Variants in ERI3 observed in about 807,000 individuals in gnomAD.
ERI3 encodes ERI1 exoribonuclease family member 3, also known as ERI1 exoribonuclease 3.
Under a neutral mutation model 44.4 loss-of-function variants are expected in ERI3, and 18 were observed. That is an observed-to-expected ratio of 0.41 (90% confidence interval 0.28 to 0.60). The LOEUF (loss-of-function observed/expected upper bound fraction) is 0.60. Ranked by LOEUF, ERI3 falls within the 20% of genes least tolerant of loss-of-function variation. The pLI, the probability that ERI3 is intolerant of heterozygous loss-of-function variation, is 0.36. For missense variants in ERI3, 294 were observed against 435.5 expected (o/e 0.68, Z 2.89); for synonymous variants, 183 against 164.8 (o/e 1.11, Z -0.84).
intron 3 of ERI3, among the ~76,000 whole-genome samples, chr1:44,326,298 T>C (rs1646310870): frequency 6.6e-6 from 1 of 152,082 alleles, no homozygotes; most frequent in Non-Finnish European, 1.5e-5. Flanking sequence ...AGACGGGCCC[T>C]TTCTCCAAGG....
intron 8 of ERI3, among the ~76,000 whole-genome samples, chr1:44,245,955 C>A (rs989052817): frequency 2.0e-5 from 3 of 152,216 alleles, no homozygotes; most frequent in East Asian, 1.9e-4. Flanking sequence ...TACTCACCTA[C>A]TCATTCATTC....
intron 7 of ERI3, among the ~76,000 whole-genome samples, chr1:44,281,103 T>C (rs1645274258): frequency 6.6e-6 from 1 of 152,184 alleles, no homozygotes; most frequent in African/African-American, 2.4e-5. Context: ...ATTCTTCAGG[T>C]CTCAGCTTAG....
chr1:44,295,015 G>A (rs1308701313), intron 6 of ERI3, among the ~76,000 whole-genome samples: 1 of 152,160 alleles, frequency 6.6e-6, no homozygotes, highest in Non-Finnish European at 1.5e-5. Flanking sequence ...CCTTCTAGCT[G>A]GTCTCCTCTG....
chr1:44,254,254 C>G (rs1405124153), intron 7 of ERI3, among the ~76,000 whole-genome samples: 1 of 152,170 alleles, frequency 6.6e-6, no homozygotes. Flanking sequence ...CATCTTTCCC[C>G]AGAGCCACCC....
chr1:44,309,298 C>T (rs1645904685), intron 5 of ERI3, among the ~76,000 whole-genome samples: 1 of 151,656 alleles, frequency 6.6e-6, no homozygotes, highest in African/African-American at 2.4e-5. Flanking sequence ...AATTTGAGAC[C>T]AGCCTGGTTA....
rs1267086022 is a variant in ERI3, at chr1:44,272,156, TTTC to T, written c.831+12676_831+12678del. Among the ~76,000 whole-genome samples, 3 of 152,178 alleles carry T rather than the reference TTTC, an allele frequency of 2.0e-5. No individual in the cohort carries two copies. The East Asian group carries it at 5.8e-4, about 29-fold the overall frequency. Reference sequence around the variant, plus strand: ...TCAACTCTAGAAGGTGGATATGATTTTTCTTGTTTTATAGAGGGAGCTACCAAG... The same window carrying T: ...TCAACTCTAGAAGGTGGATATGATTTTTGTTTTATAGAGGGAGCTACCAAG... On this transcript the variant is annotated intron_variant, in intron 7 of 8. Coordinates refer to ENST00000372257, the MANE Select transcript of ERI3 (RefSeq NM_024066.3).
chr1:44,333,191 A>T (rs1464076798), intron 3 of ERI3, among the ~76,000 whole-genome samples: 1 of 152,266 alleles, frequency 6.6e-6, no homozygotes, highest in Admixed American at 6.5e-5. Flanking sequence ...CACACGCCAG[A>T]TGAGGCTAAG....
intron 7 of ERI3, among the ~76,000 whole-genome samples, chr1:44,281,081 CA>C (rs1476369654): frequency 1.3e-5 from 2 of 152,176 alleles, no homozygotes; most frequent in Admixed American, 6.5e-5. Context: ...TGTGCTTAGC[CA>C]ATTTCAACTC....
chr1:44,317,896 C>A (rs1233747909), intron 4 of ERI3, among the ~76,000 whole-genome samples: 2 of 152,094 alleles, frequency 1.3e-5, no homozygotes, highest in African/African-American at 4.8e-5. Context: ...AAAGGATGGA[C>A]AAGATCATGG....
intron 7 of ERI3, among the ~76,000 whole-genome samples, chr1:44,263,325 A>G (rs953033396): frequency 6.6e-6 from 1 of 152,186 alleles, no homozygotes; most frequent in Non-Finnish European, 1.5e-5. Context: ...GTGAAGGGGA[A>G]CTGTCCTCCC....
chr1:44,352,834 G>A lies in ERI3; in HGVS notation c.211+16C>T, dbSNP rs767016022. The A allele has an allele frequency of 3.1e-6, 5 of 1,613,954 alleles. 1 individual carries two copies. The South Asian group carries it at 5.5e-5, about 18-fold the overall frequency. ...AGAAAATAAAGCCAGACTTGACCATGCAACAGGATTCTCACCTCTCCTTAC... is the reference window on the plus strand; with the variant it reads ...AGAAAATAAAGCCAGACTTGACCATACAACAGGATTCTCACCTCTCCTTAC... On this transcript the variant is annotated intron_variant, in intron 2 of 8. Coordinates refer to ENST00000372257, the MANE Select transcript of ERI3 (RefSeq NM_024066.3).
At chr1:44,269,319 T>A (rs954922276) in intron 7 of ERI3, among the ~76,000 whole-genome samples, 2 of 152,162 alleles carry the variant, frequency 1.3e-5, no homozygotes, top group African/African-American at 4.8e-5. Flanking sequence ...AGAGCCCACG[T>A]CTTTAGTTTC....
At position 44,286,542 on chromosome 1, in the gene ERI3, C is replaced by T. The variant is rs149248634; in HGVS notation, c.759-1635G>A. On this transcript the variant is annotated intron_variant, in intron 6 of 8. Coordinates refer to ENST00000372257, the MANE Select transcript of ERI3 (RefSeq NM_024066.3). ...AGCCAGGAGAGTAAATAAGATCACCCGGGGAACAGAATAGAGCGAGGTGAG... is the reference window on the plus strand; with the variant it reads ...AGCCAGGAGAGTAAATAAGATCACCTGGGGAACAGAATAGAGCGAGGTGAG... Among the ~76,000 whole-genome samples the T allele has an allele frequency of 5.3e-5, 8 of 152,150 alleles. No homozygotes were observed. The East Asian group carries it at 5.8e-4, about 11-fold the overall frequency.
At chr1:44,290,983 G>A (rs1206299496) in intron 6 of ERI3, among the ~76,000 whole-genome samples, 2 of 152,178 alleles carry the variant, frequency 1.3e-5, no homozygotes, top group Non-Finnish European at 2.9e-5. Context: ...AGGCTGGGAC[G>A]TTAGTTATCT....
At chr1:44,343,466 T>C (rs1309843735) in intron 2 of ERI3, among the ~76,000 whole-genome samples, 1 of 152,162 alleles carries the variant, frequency 6.6e-6, no homozygotes, top group African/African-American at 2.4e-5. Context: ...TCTGTTATAT[T>C]CCTGAAGCTA....
chr1:44,312,584 T>A (rs1422398162), intron 5 of ERI3, among the ~76,000 whole-genome samples: 1 of 152,228 alleles, frequency 6.6e-6, no homozygotes, highest in Non-Finnish European at 1.5e-5. Flanking sequence ...TTCCCTCACA[T>A]AGGCAATTGT....
At position 44,235,994 on chromosome 1, in the gene ERI3, C is replaced by T. The variant is rs560342040; in HGVS notation, c.931+11945G>A. On this transcript the variant is annotated intron_variant, in intron 8 of 8. Transcript: ENST00000372257. This position sits in a 1 kb window ranked among gnomAD's most constrained non-coding sequence, Gnocchi z 4.6. The stretch of plus-strand genomic sequence containing the variant: ...AGCTAATCCCTATTAATTTCAATAC[C>T]GCCGCCTTGCCTGGCTCAGCTCCCA... Among the ~76,000 whole-genome samples, 12 of 152,282 alleles carry T rather than the reference C, an allele frequency of 7.9e-5. No individual in the cohort carries two copies. Among genetic ancestry groups the T allele is most frequent in the African/African-American group, 2.2e-4 (9 of 41,550 alleles).
rs539212483 is a variant in ERI3 at position 44,221,480 on chromosome 1, C to T, written c.*78G>A. On this transcript the variant is annotated 3_prime_UTR_variant, in exon 9 of 9. Coordinates refer to ENST00000372257, the MANE Select transcript of ERI3 (RefSeq NM_024066.3). This position sits in a 1 kb window ranked among gnomAD's most constrained non-coding sequence, Gnocchi z 5.9. ...ACAGAGCTATGCCACTCTCCCTCTT[C>T]CCCTCTGGTGAGGGAGAGGAGGATT... 556 of 1,175,618 alleles carry T rather than the reference C, an allele frequency of 4.7e-4. 2 individuals are homozygous for T. In the South Asian group the frequency reaches 6.4e-3, roughly 14 times the overall value. 72.8% of individuals were successfully genotyped at this position (1,175,618 alleles called of 1,614,324 possible).
chr1:44,249,507 C>A (rs1266608849), intron 7 of ERI3, among the ~76,000 whole-genome samples: 1 of 152,164 alleles, frequency 6.6e-6, no homozygotes, highest in East Asian at 1.9e-4. Flanking sequence ...CACTCCAGCC[C>A]CATGGGTACT....
Sources: allele counts gnomAD v4.1 joint callset (sites outside exome capture counted in the v4.1 genomes callset), GRCh38; gene constraint gnomAD v4.1.1; non-coding constraint Gnocchi (gnomAD v3.1); transcripts MANE v1.5; gene names NCBI Gene and HGNC (gene_info 2026-07-23, HGNC 2026-07-21).